Variants in MTA3 observed in about 807,000 individuals in gnomAD.
The protein encoded by MTA3 is metastasis associated 1 family member 3, also known as metastasis-associated protein MTA3.
In MTA3, 34 loss-of-function variants were observed where a neutral mutation model predicts 83.5. That is an observed-to-expected ratio of 0.41 (90% confidence interval 0.31 to 0.54). The LOEUF is 0.54. Among genes scored for constraint, MTA3 ranks in the 20% least tolerant of loss-of-function variants. The pLI, the probability that MTA3 is intolerant of heterozygous loss-of-function variation, is 0.33. For synonymous variants in MTA3, 303 were observed against 252.7 expected (o/e 1.20, Z -1.89); for missense variants, 761 against 726.4 (o/e 1.05, Z -0.55).
chr2:42,674,822 C>T lies in MTA3; in HGVS notation c.703-7579C>T, dbSNP rs564707269. ...CCATGTTGGCCAGGATGGTCTTGATCTCTTGACCTCGTGATGATCTGCCCG... is the reference window on the plus strand; with the variant it reads ...CCATGTTGGCCAGGATGGTCTTGATTTCTTGACCTCGTGATGATCTGCCCG... On this transcript the variant is annotated intron_variant, in intron 8 of 16. Coordinates refer to ENST00000405094, the MANE Select transcript of MTA3 (RefSeq NM_001330442.2). Among the ~76,000 whole-genome samples the T allele has an allele frequency of 9.2e-5, 14 of 151,886 alleles. No individual in the cohort carries two copies. In the South Asian group the frequency reaches 1.7e-3, roughly 18 times the overall value.
At chr2:42,649,403 A>T (rs188769761) in intron 6 of MTA3, among the ~76,000 whole-genome samples, 3 of 146,516 alleles carry the variant, frequency 2.0e-5, no homozygotes, top group Admixed American at 6.9e-5. Context: ...ACAGAGTGTG[A>T]CTCCCTCTCC....
chr2:42,704,552 C>G (rs1436226744), intron 12 of MTA3, among the ~76,000 whole-genome samples: 1 of 152,164 alleles, frequency 6.6e-6, no homozygotes, highest in East Asian at 1.9e-4. Context: ...TTGATGTACT[C>G]TTGTGGTTTG....
At chr2:42,603,389 C>T (rs115301064) in intron 3 of MTA3, among the ~76,000 whole-genome samples, 3,292 of 152,092 alleles carry the variant, frequency 0.022, 49 homozygotes, top group Non-Finnish European at 0.035. Flanking sequence ...AAATTGATAG[C>T]AAGTGAAAAA....
At chr2:42,654,726 C>T (rs537242415) in intron 6 of MTA3, among the ~76,000 whole-genome samples, 8 of 152,264 alleles carry the variant, frequency 5.3e-5, no homozygotes, top group Admixed American at 4.6e-4. Flanking sequence ...GCAGCCTTTC[C>T]ACCTCAGCTT....
chr2:42,562,955 C>T (rs1310361071), intron 2 of MTA3, among the ~76,000 whole-genome samples: 6 of 152,146 alleles, frequency 3.9e-5, no homozygotes, highest in Non-Finnish European at 8.8e-5. Flanking sequence ...CTGATCTCTA[C>T]TTACAGCTCC....
chr2:42,718,442 C>A (rs1027680817), intron 14 of MTA3, among the ~76,000 whole-genome samples: 2 of 150,338 alleles, frequency 1.3e-5, no homozygotes, highest in African/African-American at 4.9e-5. Flanking sequence ...GATGGGGTTT[C>A]TCCATGTTGG....
intron 4 of MTA3, among the ~76,000 whole-genome samples, chr2:42,635,350 G>A (rs1295047200): frequency 2.6e-5 from 4 of 152,074 alleles, no homozygotes; most frequent in African/African-American, 4.8e-5. Context: ...AACTTGGGCC[G>A]GGCAAAGTGG....
In MTA3 at chr2:42,501,804, C is replaced by A. The variant is rs368697339; in HGVS notation, c.-141+6550C>A. On this transcript the variant is annotated intron_variant, in intron 2 of 17. Transcript: ENST00000405592. ...ACCAGCCTGGGCAACATGGTGAAAC[C>A]CTGTCTCTCCTAAAAGTACAAAAAT... Among the ~76,000 whole-genome samples the A allele has an allele frequency of 3.3e-5, 5 of 152,020 alleles. No individual in the cohort carries two copies. In the East Asian group the frequency reaches 5.8e-4, roughly 18 times the overall value.
intron 2 of MTA3, among the ~76,000 whole-genome samples, chr2:42,560,270 C>T (rs951672694): frequency 2.0e-5 from 3 of 150,820 alleles, no homozygotes; most frequent in Admixed American, 1.3e-4. Flanking sequence ...GATCTGCCTG[C>T]GTCGGCCTCC....
chr2:42,619,976 G>C (rs1443700719), intron 4 of MTA3, among the ~76,000 whole-genome samples: 1 of 152,072 alleles, frequency 6.6e-6, no homozygotes. Context: ...TAATTTATTA[G>C]CTTTAATAAA....
At chr2:42,507,892 G>A (rs959268168) in intron 2 of MTA3, among the ~76,000 whole-genome samples, 1 of 151,192 alleles carries the variant, frequency 6.6e-6, no homozygotes, top group African/African-American at 2.4e-5. Context: ...GTTGCAGTGA[G>A]TCAAGATCTC....
chr2:42,510,048 G>A (rs1292871440), intron 2 of MTA3, among the ~76,000 whole-genome samples: 4 of 151,970 alleles, frequency 2.6e-5, no homozygotes, highest in Non-Finnish European at 2.9e-5. Context: ...CTGCAGAGCT[G>A]GGCACAGTGG....
intron 8 of MTA3, among the ~76,000 whole-genome samples, chr2:42,661,524 A>G (rs1274780279): frequency 6.8e-6 from 1 of 147,538 alleles, no homozygotes; most frequent in Non-Finnish European, 1.5e-5. Context: ...AAAAAAAAAA[A>G]AAAAGAAAAA....
intron 11 of MTA3, among the ~76,000 whole-genome samples, chr2:42,700,495 C>A (rs2104483585): frequency 6.6e-6 from 1 of 152,288 alleles, no homozygotes; most frequent in East Asian, 1.9e-4. Flanking sequence ...AAATAACGTT[C>A]TAGATTCAGT....
chr2:42,713,391 T>A (rs1397839513), intron 14 of MTA3, among the ~76,000 whole-genome samples: 1 of 152,198 alleles, frequency 6.6e-6, no homozygotes, highest in Non-Finnish European at 1.5e-5. Context: ...TAAGCTTGAA[T>A]CATGAGAGAA....
intron 3 of MTA3, among the ~76,000 whole-genome samples, chr2:42,604,665 A>AGG: frequency 7.7e-6 from 1 of 129,554 alleles, no homozygotes; most frequent in Non-Finnish European, 1.6e-5. Context: ...ACAATAGTGG[A>AGG]GGGAAGGTCA....
At chr2:42,588,405 C>G (rs1363173884) in intron 3 of MTA3, among the ~76,000 whole-genome samples, 1 of 152,112 alleles carries the variant, frequency 6.6e-6, no homozygotes, top group Non-Finnish European at 1.5e-5. Context: ...GCCCTTAGAG[C>G]TTATAAAGGT....
chr2:42,689,630 C>G (rs1229988813), intron 9 of MTA3, among the ~76,000 whole-genome samples: 1 of 151,970 alleles, frequency 6.6e-6, no homozygotes, highest in African/African-American at 2.4e-5. Context: ...GGATTTGTCC[C>G]TTTTATCTTA....
chr2:42,551,917 G>A (rs368151894), intron 2 of MTA3, among the ~76,000 whole-genome samples: 1 of 151,948 alleles, frequency 6.6e-6, no homozygotes, highest in South Asian at 2.1e-4. Flanking sequence ...TAGTAGAGAC[G>A]GGGTTTCACC....
Sources: gnomAD v4.1 joint callset for allele counts (sites outside exome capture counted in the v4.1 genomes callset) on GRCh38, gnomAD v4.1.1 for gene constraint, MANE v1.5 for transcripts, NCBI Gene and HGNC (gene_info 2026-07-23, HGNC 2026-07-21) for gene names.